Variants in MAGI2 observed in about 807,000 individuals in gnomAD.
MAGI2 encodes membrane-associated guanylate kinase, WW and PDZ domain-containing protein 2.
A neutral mutation model predicts 133.3 loss-of-function variants in MAGI2; 35 were observed. The observed-to-expected ratio is 0.26, with a 90% CI of 0.20 to 0.35. MAGI2 has a LOEUF of 0.35. Ranked by LOEUF, MAGI2 falls within the 10% of genes least tolerant of loss-of-function variation. The pLI is 1.00. For missense variants in MAGI2, 1,636 were observed against 1,863.4 expected (o/e 0.88, Z 2.25); for synonymous variants, 729 against 710.6 (o/e 1.03, Z -0.41).
rs35429843 is a variant in MAGI2 at position 78,166,420 on chromosome 7, TC to T, written c.2596+1495del. On this transcript the variant is annotated intron_variant, in intron 15 of 21. Coordinates refer to ENST00000354212, the MANE Select transcript of MAGI2 (RefSeq NM_012301.4). ...GTTAACCAAGCAAGCACTGTCTTCC[TC>T]CTGGCATCTAGCCCAAGGATAAGGC... is the stretch of plus-strand genomic sequence containing the variant. Among the ~76,000 whole-genome samples, 1,099 of 152,340 alleles carry T rather than the reference TC, an allele frequency of 7.2e-3. 15 individuals are homozygous for T. The highest frequency in any genetic ancestry group is 0.024 in the African/African-American group (1,006 of 41,582).
intron 2 of MAGI2, among the ~76,000 whole-genome samples, chr7:78,699,090 G>A (rs1266670890): frequency 6.6e-6 from 1 of 152,170 alleles, no homozygotes; most frequent in African/African-American, 2.4e-5. Context: ...GCTTTCTGAT[G>A]GCTCACTGTA....
intron 4 of MAGI2, among the ~76,000 whole-genome samples, chr7:78,520,357 C>A (rs1477982399): frequency 6.6e-6 from 1 of 151,862 alleles, no homozygotes; most frequent in Non-Finnish European, 1.5e-5. Flanking sequence ...CATAAAAATT[C>A]CAATACTATG....
intron 1 of MAGI2, among the ~76,000 whole-genome samples, chr7:79,450,928 T>G (rs1849196882): frequency 1.3e-5 from 2 of 152,174 alleles, no homozygotes; most frequent in African/African-American, 2.4e-5. Flanking sequence ...TCTCATAGAT[T>G]TATCACCATT....
chr7:78,261,956 C>G (rs1364019042), intron 9 of MAGI2, among the ~76,000 whole-genome samples: 1 of 152,110 alleles, frequency 6.6e-6, no homozygotes, highest in African/African-American at 2.4e-5. Flanking sequence ...AATAACTGCT[C>G]TCAACACAGT....
intron 2 of MAGI2, among the ~76,000 whole-genome samples, chr7:78,982,148 G>A (rs1183542273): frequency 6.6e-6 from 1 of 151,804 alleles, no homozygotes; most frequent in Non-Finnish European, 1.5e-5. Context: ...TGCTTTTCAT[G>A]TTGTCATCCA....
intron 1 of MAGI2, among the ~76,000 whole-genome samples, chr7:79,319,671 C>T (rs1203275518): frequency 2.6e-5 from 4 of 152,050 alleles, no homozygotes; most frequent in African/African-American, 7.2e-5. Flanking sequence ...TCATAGGAGG[C>T]CTGTACAGCC....
chr7:78,293,015 T>C (rs967749680), intron 9 of MAGI2, among the ~76,000 whole-genome samples: 6 of 152,134 alleles, frequency 3.9e-5, no homozygotes, highest in Middle Eastern at 3.2e-3. Context: ...ATTCAGGACA[T>C]AGGCATGGGC....
chr7:79,083,905 T>C (rs1264436999), intron 1 of MAGI2, among the ~76,000 whole-genome samples: 1 of 151,694 alleles, frequency 6.6e-6, no homozygotes, highest in Non-Finnish European at 1.5e-5. Context: ...GGAAGATATG[T>C]CTTTCTAGAA....
chr7:78,882,083 CAACAAAA>C (rs1795897190), intron 2 of MAGI2, among the ~76,000 whole-genome samples: 2 of 14,340 alleles, frequency 1.4e-4, no homozygotes, highest in African/African-American at 3.2e-4. Context: ...ACAACAACAA[CAACAAAA>C]AAAAAAAAAA....
chr7:79,433,115 C>T (rs1171642723), intron 1 of MAGI2, among the ~76,000 whole-genome samples: 4 of 152,150 alleles, frequency 2.6e-5, no homozygotes, highest in Admixed American at 2.6e-4. Flanking sequence ...GAACAGACTA[C>T]ATTTTTGTTT....
intron 9 of MAGI2, among the ~76,000 whole-genome samples, chr7:78,265,885 G>A (rs1342856085): frequency 2.0e-5 from 3 of 152,288 alleles, no homozygotes; most frequent in Non-Finnish European, 4.4e-5. Flanking sequence ...CCAACATAGC[G>A]TAGCAAGTAG....
At chr7:78,939,443 T>C (rs1800801330) in intron 2 of MAGI2, among the ~76,000 whole-genome samples, 1 of 152,136 alleles carries the variant, frequency 6.6e-6, no homozygotes, top group Non-Finnish European at 1.5e-5. Context: ...GAAATTGGGT[T>C]GACTATGGTA....
intron 1 of MAGI2, among the ~76,000 whole-genome samples, chr7:79,327,797 T>C (rs1432626700): frequency 6.6e-6 from 1 of 152,138 alleles, no homozygotes; most frequent in Non-Finnish European, 1.5e-5. Flanking sequence ...AGTAATAATT[T>C]ATAATGCAGA....
In MAGI2 at chr7:78,313,021, A is replaced by T. The variant is rs150828063; in HGVS notation, c.1408+30757T>A. ...ACCACTCAGCCATAAAAATGAATGA[A>T]ATCATAAAAAAGAGCGAAATCATGT... On this transcript the variant is annotated intron_variant, in intron 9 of 21. Transcript: ENST00000354212. 8.9e-3 allele frequency among the ~76,000 whole-genome samples: 1,357 copies of T among 151,968 alleles called. 20 individuals carry two copies. The highest frequency in any genetic ancestry group is 0.031 in the African/African-American group (1,272 of 41,502).
At chr7:79,390,544 C>T (rs1427667523) in intron 1 of MAGI2, among the ~76,000 whole-genome samples, 2 of 152,010 alleles carry the variant, frequency 1.3e-5, no homozygotes, top group African/African-American at 4.8e-5. Context: ...GTATGAGATG[C>T]TGGAGGAGGG....
At chr7:78,657,906 A>G (rs1383182190) in intron 2 of MAGI2, among the ~76,000 whole-genome samples, 2 of 152,122 alleles carry the variant, frequency 1.3e-5, no homozygotes, top group Non-Finnish European at 2.9e-5. Context: ...ATGAAGGTGG[A>G]GGGTATATAA....
chr7:78,847,363 C>T (rs149655848), intron 2 of MAGI2, among the ~76,000 whole-genome samples: 10 of 151,850 alleles, frequency 6.6e-5, no homozygotes, highest in African/African-American at 2.2e-4. Context: ...TCGTGGCTTG[C>T]GAGGGGTACT....
intron 2 of MAGI2, among the ~76,000 whole-genome samples, chr7:78,740,743 A>T (rs1018709545): frequency 6.6e-6 from 1 of 152,218 alleles, no homozygotes; most frequent in Admixed American, 6.5e-5. Flanking sequence ...TATGTTCTTT[A>T]TCTGACAGAA....
intron 2 of MAGI2, among the ~76,000 whole-genome samples, chr7:78,680,778 T>C (rs1052283732): frequency 3.3e-5 from 5 of 152,158 alleles, no homozygotes; most frequent in African/African-American, 1.2e-4. Context: ...CTGTGCTCCT[T>C]AGAGGAGTAA....
Sources: allele counts gnomAD v4.1 joint callset (sites outside exome capture counted in the v4.1 genomes callset), GRCh38; gene constraint gnomAD v4.1.1; transcripts MANE v1.5; gene names NCBI Gene and HGNC (gene_info 2026-07-23, HGNC 2026-07-21).